The following PARD3B variants were observed in gnomAD, a reference collection of about 807,000 sequenced individuals.
The protein encoded by PARD3B is partitioning defective 3 homolog B.
PARD3B carries 103 observed loss-of-function variants against 130.2 expected under a neutral mutation model. That is an observed-to-expected ratio of 0.79 (90% CI 0.67 to 0.93). PARD3B has a LOEUF of 0.93. PARD3B is among the 40% of genes least tolerant of loss of function. The probability of loss-of-function intolerance (pLI) is 0.00; values close to 1 mark genes in which losing one functional copy is unlikely to be tolerated. For synonymous variants in PARD3B, 583 were observed against 553.2 expected, an observed-to-expected ratio of 1.05 and a Z score of -0.76; for missense variants, 1,609 against 1,499.2, an observed-to-expected ratio of 1.07 and a Z score of -1.21.
chr2:205,297,956 T>A (rs1199004091), intron 16 of PARD3B, among the ~76,000 whole-genome samples: 3 of 152,236 alleles, frequency 2.0e-5, no homozygotes, highest in Non-Finnish European at 4.4e-5. Flanking sequence ...ATGTTCAGTT[T>A]GCTTAGAATG....
intron 1 of PARD3B, among the ~76,000 whole-genome samples, chr2:204,670,761 C>T (rs1178738116): frequency 6.6e-6 from 1 of 152,104 alleles, no homozygotes; most frequent in Non-Finnish European, 1.5e-5. Flanking sequence ...TACTTTTGAG[C>T]CCATAACTAT....
intron 2 of PARD3B, among the ~76,000 whole-genome samples, chr2:204,956,542 GTA>G (rs533628757): frequency 0.036 from 5,417 of 151,382 alleles, 127 homozygotes; most frequent in Non-Finnish European, 0.049. Context: ...GTGTGTGTGT[GTA>G]TGTGTGTCCA....
intron 18 of PARD3B, among the ~76,000 whole-genome samples, chr2:205,395,465 C>T (rs147573243): frequency 5.3e-5 from 8 of 152,306 alleles, no homozygotes. Context: ...TGTTCTTTCT[C>T]TATCTCTGTT....
chr2:204,797,263 A>T (rs1158168811), intron 2 of PARD3B, among the ~76,000 whole-genome samples: 1 of 152,080 alleles, frequency 6.6e-6, no homozygotes, highest in Non-Finnish European at 1.5e-5. Flanking sequence ...AATAATTAAC[A>T]ACTTAGAATT....
chr2:204,662,848 A>C (rs1402205026), intron 1 of PARD3B, among the ~76,000 whole-genome samples: 1 of 152,320 alleles, frequency 6.6e-6, no homozygotes, highest in African/African-American at 2.4e-5. Flanking sequence ...CAATAACATG[A>C]TAGAATTATT....
intron 15 of PARD3B, among the ~76,000 whole-genome samples, chr2:205,240,615 A>G (rs765789823): frequency 1.3e-5 from 2 of 152,122 alleles, no homozygotes; most frequent in African/African-American, 4.8e-5. Context: ...GCTGATGGCA[A>G]TTTTTATCTG....
intron 19 of PARD3B, among the ~76,000 whole-genome samples, chr2:205,423,191 C>T (rs1447838090): frequency 3.3e-5 from 5 of 152,168 alleles, no homozygotes; most frequent in East Asian, 1.9e-4. Flanking sequence ...TGCTGAGCGG[C>T]GATTGCCTAA....
intron 2 of PARD3B, among the ~76,000 whole-genome samples, chr2:204,939,867 A>G (rs1469956234): frequency 1.3e-5 from 2 of 152,184 alleles, no homozygotes; most frequent in African/African-American, 4.8e-5. Context: ...TTATTTCTCA[A>G]TCAGAATGCT....
chr2:205,117,555 C>G (rs1417017030), intron 6 of PARD3B, among the ~76,000 whole-genome samples: 1 of 152,186 alleles, frequency 6.6e-6, no homozygotes, highest in South Asian at 2.1e-4. Context: ...TGTAGATTCC[C>G]CTTTTCTATG....
chr2:205,024,491 G>A (rs1006284875), intron 3 of PARD3B, among the ~76,000 whole-genome samples: 1 of 152,082 alleles, frequency 6.6e-6, no homozygotes, highest in Non-Finnish European at 1.5e-5. Flanking sequence ...CCTCCAGATT[G>A]TGCCTCATAC....
At position 204,545,941 on chromosome 2, in the gene PARD3B, T is replaced by C. The variant is rs1280656209; in HGVS notation, c.-59T>C. 4 of 1,466,476 alleles carry C rather than the reference T, an allele frequency of 2.7e-6. No individual in the cohort carries two copies. The South Asian group carries it at 5.5e-5, about 20-fold the overall frequency. The allele number at this position is 1,466,476 out of a possible 1,614,324, so 90.8% of individuals were successfully genotyped here. On this transcript the variant is annotated 5_prime_UTR_variant, in exon 1 of 23. Transcript: ENST00000406610. ...CCGGGCGTCCTCCGAGAGTGGGGGC[T>C]GCGCCCGCGGGGTCAGACACCTGTT...
chr2:205,051,919 G>T (rs897677847), intron 4 of PARD3B, among the ~76,000 whole-genome samples: 1 of 152,140 alleles, frequency 6.6e-6, no homozygotes, highest in Admixed American at 6.6e-5. Context: ...TCATTAATGT[G>T]CAAATAGTAA....
intron 2 of PARD3B, among the ~76,000 whole-genome samples, chr2:204,898,763 T>C (rs1056921844): frequency 6.6e-6 from 1 of 152,178 alleles, no homozygotes; most frequent in African/African-American, 2.4e-5. Context: ...CTCTCTCTCT[T>C]TGTATCTAAT....
chr2:205,237,132 C>G lies in PARD3B; in HGVS notation c.2141-8646C>G, dbSNP rs1399105951. Among the ~76,000 whole-genome samples the G allele has an allele frequency of 2.0e-5, 3 of 152,122 alleles. 1 individual carries two copies. The highest frequency in any genetic ancestry group is 7.2e-5 in the African/African-American group (3 of 41,502). ...GTTTGTTTTTGAGACAGAGTTTTGC[C>G]CTTGTCGTCCAGGCTAGGGTGCAAT... On this transcript the variant is annotated intron_variant, in intron 15 of 22. Coordinates refer to ENST00000406610, the MANE Select transcript of PARD3B (RefSeq NM_001302769.2).
Position 205,185,814 on chromosome 2 carries a change from C to T in PARD3B, c.1975C>T (p.Pro659Ser). Residue 659 changes from proline (P) to serine (S), a missense_variant, in exon 14 of 23, where the codon CCA becomes TCA. Pro to Ser is a moderately conservative substitution (Grantham distance 74). Coordinates refer to ENST00000406610, the MANE Select transcript of PARD3B (RefSeq NM_001302769.2). ...GWAESEVPPSPTPHSALGLGL... is the reference protein window; with the variant it reads ...GWAESEVPPSSTPHSALGLGL... ...GGCCGAGAGTGAAGTTCCACCTTCT[C>T]CAACACCACATTCTGCTCTGGGATT... 6.2e-7 allele frequency: 1 copy of T among 1,614,130 alleles called. No homozygotes were observed. The highest frequency in any genetic ancestry group is 8.5e-7 in the Non-Finnish European group (1 of 1,179,984).
intron 4 of PARD3B, among the ~76,000 whole-genome samples, chr2:205,079,600 A>ACC (rs1701281058): frequency 6.6e-6 from 1 of 152,190 alleles, no homozygotes; most frequent in Admixed American, 6.5e-5. Context: ...CACACTTCTT[A>ACC]ATACTGTTGC....
At chr2:204,830,105 A>G (rs148491343) in intron 2 of PARD3B, among the ~76,000 whole-genome samples, 2 of 150,920 alleles carry the variant, frequency 1.3e-5, no homozygotes, top group East Asian at 2.0e-4. Context: ...CCTTTCTACC[A>G]TGATTGTAAG....
chr2:204,719,174 A>G (rs1428945154), intron 2 of PARD3B, among the ~76,000 whole-genome samples: 1 of 152,232 alleles, frequency 6.6e-6, no homozygotes, highest in Non-Finnish European at 1.5e-5. Flanking sequence ...CGGGGCTTCT[A>G]ACAAAACTTT....
intron 1 of PARD3B, among the ~76,000 whole-genome samples, chr2:204,562,699 T>A (rs907912247): frequency 6.6e-6 from 1 of 152,184 alleles, no homozygotes; most frequent in East Asian, 1.9e-4. Context: ...GGATAAATAA[T>A]CCTTGCCTCT....
Sources: allele counts gnomAD v4.1 joint callset (sites outside exome capture counted in the v4.1 genomes callset), GRCh38; gene constraint gnomAD v4.1.1; transcripts MANE v1.5; gene names NCBI Gene and HGNC (gene_info 2026-07-23, HGNC 2026-07-21).